NT5C2: variants seen among roughly 807,000 people sequenced by gnomAD.
The protein encoded by NT5C2 is 5'-nucleotidase, cytosolic II, also known as cytosolic purine 5'-nucleotidase.
In NT5C2, 58 loss-of-function variants were observed where a neutral mutation model predicts 76.1. That is an observed-to-expected ratio of 0.76 (90% CI 0.62 to 0.95). NT5C2 has a LOEUF of 0.95. NT5C2 is among the 40% of genes least tolerant of loss of function. The pLI, the probability that NT5C2 is intolerant of heterozygous loss-of-function variation, is 0.00. For synonymous variants in NT5C2, 229 were observed against 237.4 expected (o/e 0.96, Z 0.32); for missense variants, 478 against 690.3 (o/e 0.69, Z 3.45).
intron 3 of NT5C2, among the ~76,000 whole-genome samples, chr10:103,173,914 G>A (rs953752640): frequency 1.3e-5 from 2 of 151,870 alleles, no homozygotes; most frequent in East Asian, 1.9e-4. Context: ...TGGCTAACAC[G>A]GTGAAACCCT....
intron 4 of NT5C2, among the ~76,000 whole-genome samples, chr10:103,134,281 G>A (rs1261454049): frequency 6.6e-6 from 1 of 152,116 alleles, no homozygotes; most frequent in East Asian, 1.9e-4. Context: ...AGGCCTCAGA[G>A]GAAAAAGTGG....
chr10:103,181,900 G>A (rs1005649344), intron 1 of NT5C2, among the ~76,000 whole-genome samples: 1 of 151,866 alleles, frequency 6.6e-6, no homozygotes, highest in Admixed American at 6.6e-5. Flanking sequence ...CCAGCTACTC[G>A]AGAAGCTGAG....
intron 1 of NT5C2, among the ~76,000 whole-genome samples, chr10:103,183,262 G>GTGATATATATATATATATAT (rs769522226): frequency 5.5e-5 from 4 of 73,344 alleles, no homozygotes; most frequent in African/African-American, 6.5e-5. Flanking sequence ...GTGTGTGTGT[G>GTGATATATATATATATATAT]ATATATATAT....
At chr10:103,170,929 ATAGTG>A (rs1378287307) in intron 3 of NT5C2, among the ~76,000 whole-genome samples, 1 of 152,178 alleles carries the variant, frequency 6.6e-6, no homozygotes, top group Non-Finnish European at 1.5e-5. Context: ...TTAATACTTT[ATAGTG>A]TAAAGACCAA....
intron 8 of NT5C2, 57 bp downstream of exon 8, chr10:103,100,987 AC>A: frequency 2.0e-6 from 2 of 983,924 alleles, no homozygotes; most frequent in East Asian, 5.0e-5. Context: ...GTTCTCTAAA[AC>A]CCTGTGCATT....
chr10:103,179,254 C>T (rs1294919444), intron 2 of NT5C2, among the ~76,000 whole-genome samples: 1 of 152,036 alleles, frequency 6.6e-6, no homozygotes, highest in African/African-American at 2.4e-5. Flanking sequence ...GCCTCCTCTA[C>T]TTCCTTAATA....
chr10:103,105,284 TG>T, intron 6 of NT5C2: 1 of 279,426 alleles, frequency 3.6e-6, no homozygotes, highest in South Asian at 6.4e-5. Context: ...AAAAACGTAT[TG>T]GCTATTAAAA....
At chr10:103,166,521 A>T (rs1399635548) in intron 3 of NT5C2, among the ~76,000 whole-genome samples, 1 of 152,254 alleles carries the variant, frequency 6.6e-6, no homozygotes, top group Non-Finnish European at 1.5e-5. Context: ...GGAAAATAAT[A>T]AGCTGAAAAA....
intron 4 of NT5C2, among the ~76,000 whole-genome samples, chr10:103,129,482 T>G (rs1190434994): frequency 3.9e-5 from 3 of 76,684 alleles, no homozygotes; most frequent in African/African-American, 5.0e-5. Flanking sequence ...GATGGGGGGG[T>G]CAGCCCCCCC....
intron 6 of NT5C2, among the ~76,000 whole-genome samples, chr10:103,102,207 A>AAT (rs1178876816): frequency 6.6e-6 from 1 of 152,110 alleles, no homozygotes; most frequent in African/African-American, 2.4e-5. Flanking sequence ...TCTATCCTTG[A>AAT]ATATAGGCTT....
chr10:103,101,770 A>G (rs1021906635), intron 6 of NT5C2, among the ~76,000 whole-genome samples: 2 of 152,184 alleles, frequency 1.3e-5, no homozygotes, highest in Non-Finnish European at 1.5e-5. Flanking sequence ...AAACCAAAGA[A>G]GGGAACACCA....
intron 3 of NT5C2, among the ~76,000 whole-genome samples, chr10:103,162,260 C>T (rs906201972): frequency 2.6e-5 from 4 of 151,992 alleles, no homozygotes; most frequent in Admixed American, 2.0e-4. Flanking sequence ...ATGATCCACC[C>T]ACCTCGGCCT....
chr10:103,089,693 C>A lies in NT5C2; in HGVS notation c.1665G>T (p.Glu555Asp), dbSNP rs141031435. 3.5e-4 allele frequency: 570 copies of A among 1,607,780 alleles called. 1 individual carries two copies. Among genetic ancestry groups the A allele is most frequent in the Non-Finnish European group, 4.7e-4 (553 of 1,176,918 alleles). ...THCHDEDDDE[E>D]EEEEEE The stretch of plus-strand genomic sequence containing the variant: ...CTCCTTATTCTTCCTCCTCCTCCTC[C>A]TCTTCATCATCATCTTCGTCATGGC... The change falls in exon 19 of 19, where the codon GAG becomes GAT. Residue 555 changes from glutamate (E) to aspartate (D), a missense_variant. By Grantham distance (45) the Glu-to-Asp change is conservative. Coordinates refer to ENST00000404739, the MANE Select transcript of NT5C2 (RefSeq NM_001351169.2).
At chr10:103,149,362 T>C (rs913091074) in intron 3 of NT5C2, among the ~76,000 whole-genome samples, 5 of 152,134 alleles carry the variant, frequency 3.3e-5, no homozygotes, top group Non-Finnish European at 5.9e-5. Context: ...TCATCAAAAA[T>C]ATTTAAGGAA....
chr10:103,094,155 T>G (rs1348774485), intron 13 of NT5C2, 117 bp from the exon 14 acceptor site: 1 of 483,694 alleles, frequency 2.1e-6, no homozygotes, highest in African/African-American at 2.7e-5. Context: ...GACAGCCAAA[T>G]GAATGGCACT....
chr10:103,145,489 T>C (rs2081320619), intron 3 of NT5C2, among the ~76,000 whole-genome samples: 1 of 152,212 alleles, frequency 6.6e-6, no homozygotes, highest in Admixed American at 6.5e-5. Flanking sequence ...ACCTTGACTG[T>C]ACCTTTGCCA....
At chr10:103,095,488 A>C (rs1252845418) in intron 12 of NT5C2, among the ~76,000 whole-genome samples, 1 of 152,242 alleles carries the variant, frequency 6.6e-6, no homozygotes, top group Non-Finnish European at 1.5e-5. Context: ...CTTCTCTGCT[A>C]AATATCAAGG....
chr10:103,178,637 C>A (rs866569867), intron 2 of NT5C2, among the ~76,000 whole-genome samples: 3 of 151,940 alleles, frequency 2.0e-5, no homozygotes, highest in African/African-American at 7.3e-5. Context: ...TGGAGACCAT[C>A]TTGGCCATCA....
intron 4 of NT5C2, among the ~76,000 whole-genome samples, chr10:103,121,165 C>G (rs567737779): frequency 1.1e-4 from 17 of 152,054 alleles, no homozygotes; most frequent in Non-Finnish European, 2.5e-4. Flanking sequence ...TATGGAGTTT[C>G]TGTTTGGGAT....
Sources: gnomAD v4.1 joint callset for allele counts (sites outside exome capture counted in the v4.1 genomes callset) on GRCh38, gnomAD v4.1.1 for gene constraint, MANE v1.5 for transcripts, NCBI Gene and HGNC (gene_info 2026-07-23, HGNC 2026-07-21) for gene names.